Variants in TRPC1 observed in about 807,000 individuals in gnomAD.
The protein encoded by TRPC1 is short transient receptor potential channel 1.
In TRPC1, 42 loss-of-function variants were observed where a neutral mutation model predicts 88.2. That is an observed-to-expected ratio of 0.48 (90% CI 0.37 to 0.62). TRPC1 has a LOEUF of 0.62. TRPC1 is among the 20% of genes least tolerant of loss of function. TRPC1 has a pLI of 0.00. For missense variants in TRPC1, 699 were observed against 957.3 expected, an observed-to-expected ratio of 0.73 and a Z score of 3.56; for synonymous variants, 288 against 331.8, an observed-to-expected ratio of 0.87 and a Z score of 1.43.
intron 11 of TRPC1, 116 bp downstream of exon 11, chr3:142,804,294 TTAAA>T (rs1437671013): frequency 2.5e-6 from 3 of 1,185,396 alleles, no homozygotes; most frequent in Non-Finnish European, 1.1e-6. Flanking sequence ...TATTTTTAAA[TTAAA>T]TATAGATTTT....
chr3:142,758,341 G>A (rs1312325817), intron 4 of TRPC1, among the ~76,000 whole-genome samples: 9 of 152,166 alleles, frequency 5.9e-5, no homozygotes, highest in Admixed American at 5.9e-4. Context: ...ACTGGAGTGC[G>A]ATGATACTGC....
At chr3:142,789,764 C>CA (rs1936241130) in intron 7 of TRPC1, among the ~76,000 whole-genome samples, 3 of 151,938 alleles carry the variant, frequency 2.0e-5, no homozygotes. Context: ...AGCTTCTGGC[C>CA]AAAAAACGGA....
intron 7 of TRPC1, 125 bp from the exon 8 acceptor site, chr3:142,790,894 T>C (rs1578002993): frequency 6.1e-6 from 5 of 817,874 alleles, no homozygotes; most frequent in South Asian, 1.2e-4. Context: ...GTTTTTGGTT[T>C]TGTTTTTTTT....
chr3:142,753,610 C>T (rs1287221172), intron 4 of TRPC1, among the ~76,000 whole-genome samples: 1 of 149,068 alleles, frequency 6.7e-6, no homozygotes, highest in African/African-American at 2.5e-5. Flanking sequence ...ACTAACAGTA[C>T]AAAAATTAGC....
intron 1 of TRPC1, among the ~76,000 whole-genome samples, chr3:142,728,037 T>A (rs2108004749): frequency 6.6e-6 from 1 of 152,164 alleles, no homozygotes; most frequent in South Asian, 2.1e-4. Context: ...TTTGTAAATA[T>A]AAACCTGCAT....
chr3:142,805,018 T>C (rs979302603), intron 12 of TRPC1, among the ~76,000 whole-genome samples: 4 of 151,952 alleles, frequency 2.6e-5, no homozygotes, highest in Non-Finnish European at 5.9e-5. Context: ...GGAGAATTGC[T>C]TGAACCCAGG....
chr3:142,760,001 T>A (rs1412078070), intron 4 of TRPC1, among the ~76,000 whole-genome samples: 1 of 152,034 alleles, frequency 6.6e-6, no homozygotes, highest in African/African-American at 2.4e-5. Flanking sequence ...TTTTTTTGTA[T>A]TTTTTTAGTG....
chr3:142,741,364 T>G (rs889672759), intron 2 of TRPC1, among the ~76,000 whole-genome samples: 9 of 152,130 alleles, frequency 5.9e-5, no homozygotes, highest in African/African-American at 2.2e-4. Flanking sequence ...AAAGATTTAA[T>G]GTAAATCTTT....
intron 1 of TRPC1, among the ~76,000 whole-genome samples, chr3:142,730,949 ACT>A (rs1289378586): frequency 2.0e-5 from 3 of 152,152 alleles, no homozygotes; most frequent in African/African-American, 7.2e-5. Context: ...CAACATTGAT[ACT>A]CTCTTTGCCA....
At chr3:142,744,401 T>A (rs377649792) in intron 3 of TRPC1, among the ~76,000 whole-genome samples, 2 of 152,156 alleles carry the variant, frequency 1.3e-5, no homozygotes, top group Non-Finnish European at 2.9e-5. Flanking sequence ...TGGGAACTTA[T>A]CAAGGAAATG....
intron 1 of TRPC1, among the ~76,000 whole-genome samples, chr3:142,727,595 CAG>C (rs1933735765): frequency 6.6e-6 from 1 of 152,134 alleles, no homozygotes; most frequent in Non-Finnish European, 1.5e-5. Flanking sequence ...AGGATCATCT[CAG>C]AGGTAACATT....
chr3:142,742,538 C>T (rs576528972), intron 2 of TRPC1, among the ~76,000 whole-genome samples: 54 of 152,222 alleles, frequency 3.5e-4, no homozygotes, highest in African/African-American at 1.2e-3. Flanking sequence ...TGAATATAAA[C>T]TTTACTCTTT....
intron 1 of TRPC1, among the ~76,000 whole-genome samples, chr3:142,725,250 C>T (rs1933628449): frequency 6.6e-6 from 1 of 152,184 alleles, no homozygotes; most frequent in Non-Finnish European, 1.5e-5. Flanking sequence ...GTGCTTTAGC[C>T]AGTGACTGTT....
At chr3:142,729,640 A>G (rs977900391) in intron 1 of TRPC1, among the ~76,000 whole-genome samples, 1 of 152,110 alleles carries the variant, frequency 6.6e-6, no homozygotes, top group African/African-American at 2.4e-5. Context: ...AAAAGATTAA[A>G]TTTTATTATA....
chr3:142,784,681 ATG>A (rs772387499), intron 6 of TRPC1, 21 bp from the exon 7 acceptor site: 1 of 1,547,440 alleles, frequency 6.5e-7, no homozygotes, highest in Admixed American at 2.1e-5. Flanking sequence ...TTTCTTTTTA[ATG>A]TGTGTGTATG....
At chr3:142,729,805 A>G (rs1282067520) in intron 1 of TRPC1, among the ~76,000 whole-genome samples, 3 of 152,178 alleles carry the variant, frequency 2.0e-5, no homozygotes, top group Admixed American at 2.0e-4. Flanking sequence ...AAAAGTTATC[A>G]CTAAGATGTG....
chr3:142,747,061 A>T (rs1354711952), intron 3 of TRPC1, among the ~76,000 whole-genome samples: 1 of 152,190 alleles, frequency 6.6e-6, no homozygotes, highest in Non-Finnish European at 1.5e-5. Context: ...TTTTCTGAAG[A>T]TTCTGGGCTA....
At chr3:142,801,618 CATA>C (rs1358585035) in intron 9 of TRPC1, among the ~76,000 whole-genome samples, 2 of 152,080 alleles carry the variant, frequency 1.3e-5, no homozygotes, top group Admixed American at 6.6e-5. Context: ...GGCTTGCACA[CATA>C]ATATTTTCTT....
chr3:142,748,118 C>A, intron 3 of TRPC1, 140 bp from the exon 4 acceptor site: 1 of 796,122 alleles, frequency 1.3e-6, no homozygotes, highest in Non-Finnish European at 1.9e-6. Flanking sequence ...AAAATTTAGT[C>A]CAAGCAAAAT....
Sources: allele counts gnomAD v4.1 joint callset (sites outside exome capture counted in the v4.1 genomes callset), GRCh38; gene constraint gnomAD v4.1.1; transcripts MANE v1.5; gene names NCBI Gene and HGNC (gene_info 2026-07-23, HGNC 2026-07-21).